The following ROR2 variants were observed in gnomAD, a reference collection of about 807,000 sequenced individuals.
The protein encoded by ROR2 is ROR family WNT receptor 2, also known as tyrosine-protein kinase transmembrane receptor ROR2.
In ROR2, 33 loss-of-function variants were observed where a neutral mutation model predicts 74.9. The observed-to-expected ratio is 0.44, with a 90% confidence interval of 0.33 to 0.59. The LOEUF is 0.59. Among genes scored for constraint, ROR2 ranks in the 20% least tolerant of loss-of-function variants. The pLI is 0.02. For synonymous variants in ROR2, 586 were observed against 558.7 expected, an observed-to-expected ratio of 1.05 and a Z score of -0.69; for missense variants, 1,216 against 1,313.8, an observed-to-expected ratio of 0.93 and a Z score of 1.15.
rs1327654556 is a variant in ROR2 at position 91,848,761 on chromosome 9, GAAGAAAAAAA to G, written c.98-72953_98-72944del. On this transcript the variant is annotated intron_variant, in intron 1 of 8. Coordinates refer to ENST00000375708, the MANE Select transcript of ROR2 (RefSeq NM_004560.4). ...CAGAGTGAGACTCCGTCTCAGGGGG[GAAGAAAAAAA>G]AAAAAAAAAAAAAAACAGTTGGACC... 3.5e-3 allele frequency among the ~76,000 whole-genome samples: 337 copies of G among 96,632 alleles called. 3 individuals are homozygous for G. Among genetic ancestry groups the G allele is most frequent in the African/African-American group, 0.014 (318 of 23,480 alleles). 63.4% of individuals were successfully genotyped at this position (96,632 alleles called of 152,430 possible).
rs142675803 is a variant in ROR2, at chr9:91,831,538, G to A, written c.98-55720C>T. Among the ~76,000 whole-genome samples, 862 of 152,242 alleles carry A rather than the reference G, an allele frequency of 5.7e-3. 12 individuals are homozygous for A. The highest frequency in any genetic ancestry group is 0.019 in the African/African-American group (800 of 41,530). On this transcript the variant is annotated intron_variant, in intron 1 of 8. Transcript: ENST00000375708. Reference sequence around the variant, plus strand: ...CAACTGTAATCCCAGCATTTTGGGAGGCCGAGGTGGGTGGATCACATAAGG... The same window carrying A: ...CAACTGTAATCCCAGCATTTTGGGAAGCCGAGGTGGGTGGATCACATAAGG...
At chr9:91,949,791 C>G in intron 1 of ROR2, 76 bp downstream of exon 1, 1 of 933,630 alleles carries the variant, frequency 1.1e-6, no homozygotes, top group Admixed American at 2.0e-5. Flanking sequence ...CGGCCGGGAG[C>G]ATAGTGGCGG....
intron 1 of ROR2, among the ~76,000 whole-genome samples, chr9:91,848,419 A>G (rs148117794): frequency 0.015 from 2,233 of 152,320 alleles, 61 homozygotes; most frequent in African/African-American, 0.051. Flanking sequence ...GGCTCTGCTC[A>G]GTGCCATCTG....
chr9:91,883,646 C>T (rs1830184289), intron 1 of ROR2, among the ~76,000 whole-genome samples: 1 of 152,162 alleles, frequency 6.6e-6, no homozygotes, highest in South Asian at 2.1e-4. Context: ...TTGGACAGTG[C>T]TGCCCAACAG....
At chr9:91,839,325 T>C (rs942264821) in intron 1 of ROR2, among the ~76,000 whole-genome samples, 14 of 149,994 alleles carry the variant, frequency 9.3e-5, no homozygotes, top group Admixed American at 7.3e-4. Flanking sequence ...TGTGTGTATA[T>C]GTGTGGTGTA....
At chr9:91,906,590 T>G (rs752304961) in intron 1 of ROR2, among the ~76,000 whole-genome samples, 2 of 152,226 alleles carry the variant, frequency 1.3e-5, no homozygotes, top group African/African-American at 4.8e-5. Flanking sequence ...TTCATGGAAT[T>G]CAAGAAAATC....
intron 1 of ROR2, among the ~76,000 whole-genome samples, chr9:91,945,929 C>A (rs1832001082): frequency 1.3e-5 from 2 of 152,326 alleles, no homozygotes; most frequent in Admixed American, 1.3e-4. Context: ...TGCTACAAAA[C>A]CCCGGCCAGT....
Position 91,724,480 on chromosome 9 carries a change from C to A in ROR2, c.2014G>T (p.Asp672Tyr), listed in dbSNP as rs55651110. Residue 672 changes from aspartate to tyrosine, a missense_variant, in exon 9 of 9, where the codon GAC (aspartate) becomes TAC (tyrosine). Physicochemically the swap from Asp to Tyr is radical, Grantham distance 160. Transcript: ENST00000375708. ...ACACCGTAGGACCAGATGTCTGAGT[C>A]GATGGAGAACTTGCCGTACATGATG... Reference protein sequence around the residue: ...EAIMYGKFSIDSDIWSYGVVL... With the variant: ...EAIMYGKFSIYSDIWSYGVVL... 7 of 1,614,172 alleles carry A rather than the reference C, an allele frequency of 4.3e-6. No homozygotes were observed. Among genetic ancestry groups the A allele is most frequent in the Admixed American group, 3.3e-5 (2 of 60,030 alleles).
intron 1 of ROR2, among the ~76,000 whole-genome samples, chr9:91,804,279 C>CT (rs1217257913): frequency 6.6e-6 from 1 of 152,224 alleles, no homozygotes; most frequent in African/African-American, 2.4e-5. Context: ...GCCTCTCTCT[C>CT]TCCTGTGTTC....
intron 2 of ROR2, among the ~76,000 whole-genome samples, chr9:91,765,711 C>T (rs934175180): frequency 6.6e-6 from 1 of 152,164 alleles, no homozygotes; most frequent in Non-Finnish European, 1.5e-5. Flanking sequence ...GACTGCAGCT[C>T]GCAGGTCTCC....
chr9:91,752,439 G>C (rs1222368487), intron 4 of ROR2, among the ~76,000 whole-genome samples: 1 of 152,166 alleles, frequency 6.6e-6, no homozygotes, highest in African/African-American at 2.4e-5. Context: ...CAACACAGAT[G>C]AATCTCAAAA....
chr9:91,895,013 G>T (rs1413674952), intron 1 of ROR2, among the ~76,000 whole-genome samples: 4 of 152,166 alleles, frequency 2.6e-5, no homozygotes, highest in Admixed American at 2.6e-4. Context: ...GCCAAAACTT[G>T]GAAGCAGATG....
At position 91,911,702 on chromosome 9, in the gene ROR2, C is replaced by T. The variant is rs554286025; in HGVS notation, c.97+38165G>A. ...GGAGGCTAGAATTAGTGGAGGAGAACATGATGAGAAACAGTATACTCACAC... is the reference window on the plus strand; with the variant it reads ...GGAGGCTAGAATTAGTGGAGGAGAATATGATGAGAAACAGTATACTCACAC... On this transcript the variant is annotated intron_variant, in intron 1 of 8. Coordinates refer to ENST00000375708, the MANE Select transcript of ROR2 (RefSeq NM_004560.4). Among the ~76,000 whole-genome samples, 131 of 152,050 alleles carry T rather than the reference C, an allele frequency of 8.6e-4. 1 individual carries two copies. Among genetic ancestry groups the T allele is most frequent in the Admixed American group, 2.9e-3 (45 of 15,286 alleles).
chr9:91,859,548 C>T (rs1173462042), intron 1 of ROR2, among the ~76,000 whole-genome samples: 2 of 152,122 alleles, frequency 1.3e-5, no homozygotes, highest in Non-Finnish European at 2.9e-5. Flanking sequence ...TCAGGCCAGG[C>T]AGGGTGGCTC....
intron 1 of ROR2, among the ~76,000 whole-genome samples, chr9:91,868,458 C>T (rs930522293): frequency 6.6e-6 from 1 of 152,028 alleles, no homozygotes; most frequent in Non-Finnish European, 1.5e-5. Flanking sequence ...TGTAAACCCA[C>T]AAAATAAATT....
At chr9:91,938,947 T>G (rs1412280420) in intron 1 of ROR2, among the ~76,000 whole-genome samples, 1 of 152,196 alleles carries the variant, frequency 6.6e-6, no homozygotes, top group Non-Finnish European at 1.5e-5. Flanking sequence ...ATGGAGTATG[T>G]GCATTTTAAA....
chr9:91,919,470 C>A (rs943668445), intron 1 of ROR2, among the ~76,000 whole-genome samples: 1 of 152,220 alleles, frequency 6.6e-6, no homozygotes, highest in African/African-American at 2.4e-5. Context: ...AGCACTGGAC[C>A]ATCTGAATCC....
chr9:91,806,527 G>A (rs1185634078), intron 1 of ROR2, among the ~76,000 whole-genome samples: 1 of 152,212 alleles, frequency 6.6e-6, no homozygotes, highest in African/African-American at 2.4e-5. Context: ...GGCAACAGTG[G>A]TTTGGAGAGA....
At chr9:91,862,641 A>C (rs984836380) in intron 1 of ROR2, among the ~76,000 whole-genome samples, 6 of 152,120 alleles carry the variant, frequency 3.9e-5, no homozygotes, top group Admixed American at 6.5e-5. Context: ...CAGCCTGGGC[A>C]ACAGAGTGAG....
Sources: gnomAD v4.1 joint callset for allele counts (sites outside exome capture counted in the v4.1 genomes callset) on GRCh38, gnomAD v4.1.1 for gene constraint, MANE v1.5 for transcripts, NCBI Gene and HGNC (gene_info 2026-07-23, HGNC 2026-07-21) for gene names.